The following RBKS variants were observed in gnomAD, a reference collection of about 807,000 sequenced individuals.
The protein encoded by RBKS is ribokinase.
A neutral mutation model predicts 33.9 loss-of-function variants in RBKS; 33 were observed. The ratio of observed to expected loss-of-function variants is 0.97; its 90% CI spans 0.74 to 1.30. RBKS has a LOEUF of 1.30. Ranked by LOEUF, RBKS falls within the 50% of genes most tolerant of loss-of-function variation. The probability of loss-of-function intolerance (pLI) is 0.00; values close to 1 mark genes in which losing one functional copy is unlikely to be tolerated. For synonymous variants in RBKS, 125 were observed against 143.0 expected (o/e 0.87, Z 0.90); for missense variants, 361 against 392.6 (o/e 0.92, Z 0.68).
intron 7 of RBKS, among the ~76,000 whole-genome samples, chr2:27,800,568 T>C (rs1677757247): frequency 6.6e-6 from 1 of 152,094 alleles, no homozygotes; most frequent in Non-Finnish European, 1.5e-5. Context: ...CAGACAAAGA[T>C]GGTATTATCT....
At chr2:27,805,740 A>G (rs1334265252) in intron 7 of RBKS, among the ~76,000 whole-genome samples, 1 of 151,472 alleles carries the variant, frequency 6.6e-6, no homozygotes, top group Non-Finnish European at 1.5e-5. Context: ...ATGCCTGGGA[A>G]ATTTTTGTAT....
chr2:27,865,091 T>C (rs1664066609), intron 1 of RBKS, among the ~76,000 whole-genome samples: 1 of 152,064 alleles, frequency 6.6e-6, no homozygotes, highest in Non-Finnish European at 1.5e-5. Flanking sequence ...GAGGCTGAGG[T>C]GGGCAGATCA....
At chr2:27,870,553 G>A (rs371308493) in intron 1 of RBKS, 5 of 343,590 alleles carry the variant, frequency 1.5e-5, no homozygotes, top group African/African-American at 6.4e-5. Flanking sequence ...AGAGCTGTGC[G>A]AAGAGACGTG....
Position 27,843,098 on chromosome 2 carries a change from C to T in RBKS, c.483G>A (p.Leu161=), listed in dbSNP as rs1188672213. Residue 161 remains leucine, a synonymous_variant, in exon 5 of 8, where the codon TTG becomes TTA. Coordinates refer to ENST00000302188, the MANE Select transcript of RBKS (RefSeq NM_022128.3). ...CQLEITPATS[L]EALTMARRSG... is the part of the protein sequence containing the mutation. The stretch of plus-strand genomic sequence containing the variant: ...TCCTGCGGGCCATTGTTAGGGCTTC[C>T]AAAGAAGTTGCTGGAGTTATTTCGA... 6.2e-7 allele frequency: 1 copy of T among 1,606,232 alleles called. No homozygotes were observed. The highest frequency in any genetic ancestry group is 2.2e-5 in the East Asian group (1 of 44,556).
chr2:27,788,076 G>A (rs1573030777), intron 7 of RBKS, among the ~76,000 whole-genome samples: 1 of 152,114 alleles, frequency 6.6e-6, no homozygotes, highest in Admixed American at 6.5e-5. Flanking sequence ...GAAATAAGGT[G>A]TAACTTGATC....
intron 7 of RBKS, among the ~76,000 whole-genome samples, chr2:27,811,509 A>C (rs1677984723): frequency 6.6e-6 from 1 of 152,132 alleles, no homozygotes; most frequent in Non-Finnish European, 1.5e-5. Context: ...TTAGTCTTGG[A>C]ACTCCCACGA....
chr2:27,788,019 T>C (rs953322947), intron 7 of RBKS, among the ~76,000 whole-genome samples: 1 of 152,186 alleles, frequency 6.6e-6, no homozygotes, highest in Non-Finnish European at 1.5e-5. Context: ...TGAAAAAGCA[T>C]ATGACAAAAT....
Position 27,890,182 on chromosome 2 carries a change from A to G in RBKS, c.89+75T>C. 1.4e-6 allele frequency: 2 copies of G among 1,430,060 alleles called. No homozygotes were observed. The highest frequency in any genetic ancestry group is 2.3e-5 in the East Asian group (1 of 43,164). The allele number at this position is 1,430,060 out of a possible 1,614,324, so 88.6% of individuals were successfully genotyped here. A position where few individuals can be genotyped will look rare whatever the true frequency, so the allele number is the denominator to read the frequency against. On this transcript the variant is annotated intron_variant, in intron 1 of 7. Transcript: ENST00000302188. The surrounding 1 kb of genome is among the most constrained non-coding windows in gnomAD (Gnocchi z 4.8). ...TATCCCTGGAGACCCAGCGCCCAAA[A>G]GCTCCACTGGGCGCATAGCGCACGG... is the stretch of plus-strand genomic sequence containing the variant.
chr2:27,829,515 C>T (rs1416630193), intron 6 of RBKS, among the ~76,000 whole-genome samples: 1 of 151,556 alleles, frequency 6.6e-6, no homozygotes, highest in Non-Finnish European at 1.5e-5. Context: ...ACTACAGGTG[C>T]ATGCCACCAC....
intron 1 of RBKS, among the ~76,000 whole-genome samples, chr2:27,883,800 A>G (rs559234042): frequency 6.6e-6 from 1 of 151,690 alleles, no homozygotes; most frequent in Admixed American, 6.6e-5. Context: ...GGTTCAAACA[A>G]TCCTCCCACA....
At chr2:27,849,559 C>CAAAAAAAAAAAAAAAAAAAAAAAAAA (rs70953894) in intron 2 of RBKS, among the ~76,000 whole-genome samples, 7 of 28,596 alleles carry the variant, frequency 2.4e-4, no homozygotes, top group Non-Finnish European at 3.6e-4. Context: ...GACTCTGTCT[C>CAAAAAAAAAAAAAAAAAAAAAAAAAA]AAAAAAAAAA....
chr2:27,873,483 A>G (rs1664255801), intron 1 of RBKS, among the ~76,000 whole-genome samples: 1 of 152,190 alleles, frequency 6.6e-6, no homozygotes, highest in Admixed American at 6.5e-5. Flanking sequence ...ACTGCTTATG[A>G]TTTTCATTGA....
At chr2:27,782,098 A>G (rs1249127047) in intron 7 of RBKS, among the ~76,000 whole-genome samples, 1 of 151,960 alleles carries the variant, frequency 6.6e-6, no homozygotes, top group Non-Finnish European at 1.5e-5. Flanking sequence ...TTTAATCGTC[A>G]TATTTCCATA....
chr2:27,787,063 AC>A (rs1460352732), intron 7 of RBKS, among the ~76,000 whole-genome samples: 1 of 152,160 alleles, frequency 6.6e-6, no homozygotes, highest in Non-Finnish European at 1.5e-5. Context: ...ATCATAGCTC[AC>A]TGATGCCTTT....
intron 4 of RBKS, among the ~76,000 whole-genome samples, chr2:27,846,255 A>C (rs1252660027): frequency 2.0e-5 from 3 of 152,248 alleles, no homozygotes; most frequent in African/African-American, 7.2e-5. Flanking sequence ...GGCATGAGCC[A>C]CTACGCTCAG....
At chr2:27,876,691 A>C (rs1026222234) in intron 1 of RBKS, among the ~76,000 whole-genome samples, 1 of 152,182 alleles carries the variant, frequency 6.6e-6, no homozygotes, top group Admixed American at 6.6e-5. Context: ...TTGTTTAATA[A>C]GAACATCATT....
At chr2:27,821,137 A>G (rs896144349) in intron 7 of RBKS, among the ~76,000 whole-genome samples, 13 of 151,540 alleles carry the variant, frequency 8.6e-5, no homozygotes, top group Admixed American at 8.5e-4. Flanking sequence ...ACATGATTGT[A>G]TAATATTTGT....
intron 1 of RBKS, among the ~76,000 whole-genome samples, chr2:27,884,723 G>A (rs1664492852): frequency 6.6e-6 from 1 of 152,134 alleles, no homozygotes; most frequent in East Asian, 1.9e-4. Flanking sequence ...TATCTCTCAA[G>A]CCATCACTTT....
chr2:27,782,258 T>A (rs1441351912), intron 7 of RBKS, among the ~76,000 whole-genome samples: 2 of 152,164 alleles, frequency 1.3e-5, no homozygotes, highest in East Asian at 1.9e-4. Flanking sequence ...GCTCAACTCC[T>A]GAGTGAACCC....
Sources: allele counts gnomAD v4.1 joint callset (sites outside exome capture counted in the v4.1 genomes callset), GRCh38; gene constraint gnomAD v4.1.1; non-coding constraint Gnocchi (gnomAD v3.1); transcripts MANE v1.5; gene names NCBI Gene and HGNC (gene_info 2026-07-23, HGNC 2026-07-21).